Variants in SAP30L observed in about 807,000 individuals in gnomAD.
The protein encoded by SAP30L is histone deacetylase complex subunit SAP30L.
SAP30L carries 10 observed loss-of-function variants against 22.3 expected under a neutral mutation model. That is an observed-to-expected ratio of 0.45 (90% CI 0.28 to 0.76). The LOEUF is 0.76. SAP30L is among the 30% of genes least tolerant of loss of function. The pLI is 0.14. For missense variants in SAP30L, 206 were observed against 237.9 expected, an observed-to-expected ratio of 0.87 and a Z score of 0.88; for synonymous variants, 91 against 94.1, an observed-to-expected ratio of 0.97 and a Z score of 0.19.
intron 2 of SAP30L, chr5:154,452,365 C>CA (rs34765495): frequency 0.55 from 126,482 of 228,654 alleles, 35,460 homozygotes; most frequent in Admixed American, 0.81. Context: ...TGGTTTTCAC[C>CA]AAAAAAAAAA....
intron 1 of SAP30L, among the ~76,000 whole-genome samples, chr5:154,448,515 A>G (rs187954485): frequency 4.7e-4 from 71 of 152,352 alleles, no homozygotes; most frequent in African/African-American, 1.6e-3. Flanking sequence ...GCTTATGGCA[A>G]TGAATTCATC....
Position 154,456,111 on chromosome 5 carries a change from T to A in SAP30L, c.*83T>A. 1 of 1,401,560 alleles carries A rather than the reference T, an allele frequency of 7.1e-7. No homozygotes were observed. Among genetic ancestry groups the A allele is most frequent in the Non-Finnish European group, 9.6e-7 (1 of 1,043,130 alleles). 86.8% of individuals were successfully genotyped at this position (1,401,560 alleles called of 1,614,324 possible). A position where few individuals can be genotyped will look rare whatever the true frequency, so the allele number is the denominator to read the frequency against. On this transcript the variant is annotated 3_prime_UTR_variant, in exon 4 of 4. Coordinates refer to ENST00000297109, the MANE Select transcript of SAP30L (RefSeq NM_024632.6). ...CTACATTTAAGCCCATAAAGACTGT[T>A]AAATATTATTGTAAATAAAAAAGTT...
chr5:154,447,969 CTTTTTTTTTTTTT>C (rs140213326), intron 1 of SAP30L, among the ~76,000 whole-genome samples: 15 of 88,380 alleles, frequency 1.7e-4, no homozygotes, highest in Admixed American at 5.8e-4. Flanking sequence ...TTTTCTTTTT[CTTTTTTTTTTTTT>C]TTTTTTTTTT....
At chr5:154,453,800 A>G in intron 3 of SAP30L, among the ~76,000 whole-genome samples, 1 of 152,176 alleles carries the variant, frequency 6.6e-6, no homozygotes, top group Non-Finnish European at 1.5e-5. Context: ...CTGAGTGTTC[A>G]TTTGTTTGAA....
chr5:154,447,001 G>T (rs1422869138), intron 1 of SAP30L, among the ~76,000 whole-genome samples, 196 bp downstream of exon 1: 1 of 152,246 alleles, frequency 6.6e-6, no homozygotes, highest in Non-Finnish European at 1.5e-5. Context: ...ACCCAGATCC[G>T]GGAGGATGGG....
intron 1 of SAP30L, among the ~76,000 whole-genome samples, chr5:154,448,714 A>T: frequency 6.6e-6 from 1 of 152,220 alleles, no homozygotes; most frequent in East Asian, 1.9e-4. Flanking sequence ...TGTACTGGAA[A>T]ACCTGTGTTG....
At chr5:154,453,235 T>C in intron 2 of SAP30L, 167 bp from the exon 3 acceptor site, 2 of 540,092 alleles carry the variant, frequency 3.7e-6, no homozygotes, top group Non-Finnish European at 6.6e-6. Flanking sequence ...ACTGTTATTT[T>C]TGCCCTCCTA....
intron 1 of SAP30L, 27 bp from the exon 2 acceptor site, chr5:154,451,064 T>A: frequency 6.2e-7 from 1 of 1,613,930 alleles, no homozygotes; most frequent in Non-Finnish European, 8.5e-7. Context: ...ATTGGCCAAC[T>A]CTGACTTTGA....
At position 154,451,104 on chromosome 5, in the gene SAP30L, A is replaced by G; in HGVS notation, c.215A>G (p.Tyr72Cys). 1 of 1,614,116 alleles carries G rather than the reference A, an allele frequency of 6.2e-7. No homozygotes were observed. Among genetic ancestry groups the G allele is most frequent in the Non-Finnish European group, 8.5e-7 (1 of 1,179,990 alleles). ...LDIDKSVRHL[Y>C]ICDFHKNFIQ... Reference sequence around the variant, plus strand: ...TGTCTCCATCAGGTAAGGCACCTATATATCTGTGATTTTCACAAAAATTTC... The same window carrying G: ...TGTCTCCATCAGGTAAGGCACCTATGTATCTGTGATTTTCACAAAAATTTC... The change falls in exon 2 of 4, where the codon TAT becomes TGT. Residue 72 changes from tyrosine to cysteine, a missense_variant. Tyr to Cys is a radical substitution (Grantham distance 194). Coordinates refer to ENST00000297109, the MANE Select transcript of SAP30L (RefSeq NM_024632.6).
chr5:154,448,476 C>A (rs1757073387), intron 1 of SAP30L, among the ~76,000 whole-genome samples: 1 of 152,164 alleles, frequency 6.6e-6, no homozygotes, highest in South Asian at 2.1e-4. Flanking sequence ...CAAGGTGATC[C>A]CTCCTTAGGT....
In SAP30L at chr5:154,460,372, G is replaced by GATCCT. The variant is rs1293319373; in HGVS notation, c.*4345_*4349dup. The GATCCT allele has an allele frequency of 6.6e-6, 1 of 152,252 alleles. No individual in the cohort carries two copies. Among genetic ancestry groups the GATCCT allele is most frequent in the Non-Finnish European group, 1.5e-5 (1 of 68,072 alleles). The allele number at this position is 152,252 out of a possible 1,614,324, so 9.4% of individuals were successfully genotyped here. A position where few individuals can be genotyped will look rare whatever the true frequency, so the allele number is the denominator to read the frequency against. On this transcript the variant is annotated 3_prime_UTR_variant, in exon 4 of 4. Transcript: ENST00000297109. Reference sequence around the variant, plus strand: ...TTGGTCAGATATCTGCCTTCCAGGCGATCCTTTGAGGTTGTGTAATTCAGC... The same window carrying GATCCT: ...TTGGTCAGATATCTGCCTTCCAGGCGATCCTATCCTTTGAGGTTGTGTAATTCAGC...
At chr5:154,451,884 G>A (rs1757148225) in intron 2 of SAP30L, among the ~76,000 whole-genome samples, 1 of 152,126 alleles carries the variant, frequency 6.6e-6, no homozygotes, top group African/African-American at 2.4e-5. Flanking sequence ...CAATCAAAAC[G>A]TGTCTCCAGA....
At chr5:154,453,583 G>A in intron 3 of SAP30L, 83 bp downstream of exon 3, 1 of 940,054 alleles carries the variant, frequency 1.1e-6, no homozygotes, top group South Asian at 1.4e-5. Context: ...TACCTTGTGT[G>A]TCTGCTAATT....
chr5:154,453,533 C>T (rs1292599545), intron 3 of SAP30L, 33 bp downstream of exon 3: 1 of 1,341,404 alleles, frequency 7.5e-7, no homozygotes, highest in Admixed American at 1.7e-5. Context: ...TAAAGAGAGC[C>T]AGCATTGTGC....
At chr5:154,449,030 C>T (rs1346496826) in intron 1 of SAP30L, among the ~76,000 whole-genome samples, 1 of 151,888 alleles carries the variant, frequency 6.6e-6, no homozygotes, top group Non-Finnish European at 1.5e-5. Context: ...ACCCCACTCC[C>T]AAAGGCCACT....
In SAP30L at chr5:154,446,729, CG is replaced by C; in HGVS notation, c.128del (p.Gly43AlafsTer26). ...IEDGERCVRP[A>X]GNASFSKRVQ... The stretch of plus-strand genomic sequence containing the variant: ...GACGGCGAGCGCTGCGTCCGGCCCG[CG>C]GGCAACGCCTCCTTCAGCAAGAGGG... On this transcript the variant is annotated frameshift_variant, in exon 1 of 4. Transcript: ENST00000297109. LOFTEE classifies it high-confidence loss of function. 6.2e-7 allele frequency: 1 copy of C among 1,606,102 alleles called. No individual in the cohort carries two copies. Among genetic ancestry groups the C allele is most frequent in the Non-Finnish European group, 8.5e-7 (1 of 1,178,304 alleles).
At position 154,446,513 on chromosome 5, in the gene SAP30L, CG is replaced by C; in HGVS notation, c.-87del. 9.2e-7 allele frequency: 1 copy of C among 1,084,204 alleles called. No individual in the cohort carries two copies. The highest frequency in any genetic ancestry group is 2.0e-5 in the South Asian group (1 of 50,280). 67.2% of individuals were successfully genotyped at this position (1,084,204 alleles called of 1,614,324 possible). A position where few individuals can be genotyped will look rare whatever the true frequency, so the allele number is the denominator to read the frequency against. On this transcript the variant is annotated 5_prime_UTR_variant, in exon 1 of 4. Transcript: ENST00000297109. ...AGACGGACTCTGGGACCCTCGGCTG[CG>C]GGGGTCTCAGCGACCTGCCCCGCGG...
intron 2 of SAP30L, 63 bp from the exon 3 acceptor site, chr5:154,453,339 T>A (rs1221264745): frequency 5.3e-6 from 6 of 1,124,124 alleles, no homozygotes; most frequent in Non-Finnish European, 8.1e-6. Flanking sequence ...AGGCACATAG[T>A]GGGCTCTTGG....
intron 1 of SAP30L, 86 bp downstream of exon 1, chr5:154,446,891 A>G: frequency 8.4e-7 from 1 of 1,194,930 alleles, no homozygotes; most frequent in South Asian, 1.4e-5. Context: ...CTCCCCGGGC[A>G]CTCCCCGCCG....
Sources: allele counts gnomAD v4.1 joint callset (sites outside exome capture counted in the v4.1 genomes callset), GRCh38; gene constraint gnomAD v4.1.1; transcripts MANE v1.5; gene names NCBI Gene and HGNC (gene_info 2026-07-23, HGNC 2026-07-21).